The following SPANXN4 variants were observed in gnomAD, a reference collection of about 807,000 sequenced individuals.
The protein encoded by SPANXN4 is sperm protein associated with the nucleus on the X chromosome N4.
Under a neutral mutation model 6.0 loss-of-function variants are expected in SPANXN4, and 5 were observed. The ratio of observed to expected loss-of-function variants is 0.83; its 90% CI spans 0.44 to 1.75. SPANXN4 has a LOEUF of 1.75. SPANXN4 is among the 40% of genes most tolerant of loss of function. The pLI, the probability that SPANXN4 is intolerant of heterozygous loss-of-function variation, is 0.02. For missense variants in SPANXN4, 157 were observed against 108.6 expected, an observed-to-expected ratio of 1.45 and a Z score of -1.98; for synonymous variants, 45 against 38.0, an observed-to-expected ratio of 1.19 and a Z score of -0.68.
intron 2 of SPANXN4, chrX:143,034,301 T>G: frequency 9.2e-7 from 1 of 1,088,666 alleles, no homozygotes; most frequent in Non-Finnish European, 1.2e-6. Context: ...AAAATCAGTT[T>G]GAGGAGCTGA....
At chrX:143,026,162 C>G (rs1932776943) in intron 1 of SPANXN4, 70 bp downstream of exon 1, 1 of 945,847 alleles carries the variant, frequency 1.1e-6, no homozygotes, top group South Asian at 2.2e-5. Context: ...GCGGGTCAAA[C>G]AGCAACACGG....
At chrX:143,030,829 A>C (rs1049960308) in intron 1 of SPANXN4, among the ~76,000 whole-genome samples, 1 of 111,328 alleles carries the variant, frequency 9.0e-6, no homozygotes, top group Non-Finnish European at 1.9e-5. Context: ...TTGTAGCGAA[A>C]GTTGACAGAC....
At chrX:143,034,053 C>T (rs866035007) in exon 2 of SPANXN4, 1 of 1,177,797 alleles carries the variant, frequency 8.5e-7, no homozygotes, top group Non-Finnish European at 1.1e-6. Context: ...AGAGCCTCAG[C>T]CCCTGAACAG....
At chrX:143,030,650 T>G (rs917994839) in intron 1 of SPANXN4, among the ~76,000 whole-genome samples, 6 of 110,776 alleles carry the variant, frequency 5.4e-5, no homozygotes, top group African/African-American at 1.6e-4. Context: ...AAAAGGCATC[T>G]TTTAGATCCA....
chrX:143,032,112 G>C (rs1239690040), intron 1 of SPANXN4, among the ~76,000 whole-genome samples: 1 of 111,960 alleles, frequency 8.9e-6, no homozygotes, highest in African/African-American at 3.3e-5. Flanking sequence ...TCTGGGGAGA[G>C]GGTGGAGGAG....
chrX:143,035,141 T>C (rs939366917), downstream of SPANXN4, among the ~76,000 whole-genome samples: 1 of 103,602 alleles, frequency 9.7e-6, no homozygotes, highest in African/African-American at 3.5e-5. Context: ...GGAAATACAA[T>C]AGAATGGTTT....
intron 1 of SPANXN4, among the ~76,000 whole-genome samples, chrX:143,030,056 T>G (rs1183810451): frequency 9.5e-6 from 1 of 105,663 alleles, no homozygotes; most frequent in African/African-American, 3.5e-5. Context: ...ATTTTTTAGT[T>G]TGTTTTTTTT....
chrX:143,032,365 G>A (rs1316460671), intron 1 of SPANXN4, among the ~76,000 whole-genome samples: 1 of 110,554 alleles, frequency 9.0e-6, no homozygotes, highest in Non-Finnish European at 1.9e-5. Context: ...GGGGGTGGGT[G>A]TGAGACCTGG....
chrX:143,031,528 G>A (rs1341005706), intron 1 of SPANXN4, among the ~76,000 whole-genome samples: 1 of 111,459 alleles, frequency 9.0e-6, no homozygotes. Flanking sequence ...CAGATGGGGC[G>A]AGGTTTCCTG....
intron 1 of SPANXN4, among the ~76,000 whole-genome samples, chrX:143,030,101 G>T (rs1007851437): frequency 1.8e-5 from 2 of 109,296 alleles, no homozygotes; most frequent in East Asian, 5.8e-4. Flanking sequence ...CTGGGTTCAG[G>T]TGTTTTAAGA....
intron 2 of SPANXN4, 122 bp downstream of exon 2, chrX:143,034,433 C>A (rs1288487819): frequency 4.6e-6 from 5 of 1,098,091 alleles, no homozygotes; most frequent in South Asian, 2.4e-5. Context: ...CACAGGTTAG[C>A]CAGACATTGT....
intron 1 of SPANXN4, among the ~76,000 whole-genome samples, chrX:143,031,375 T>C (rs1461095810): frequency 1.8e-5 from 2 of 110,928 alleles, no homozygotes; most frequent in Non-Finnish European, 3.8e-5. Flanking sequence ...CTGACAGTGT[T>C]ATCCTGGGTT....
intron 1 of SPANXN4, among the ~76,000 whole-genome samples, 171 bp from the exon 2 acceptor site, chrX:143,033,854 T>C (rs1932826142): frequency 9.0e-6 from 1 of 111,343 alleles, no homozygotes; most frequent in African/African-American, 3.3e-5. Flanking sequence ...ACCCTACCCA[T>C]GCTCCTCTTC....
At position 143,031,870 on chromosome X, in the gene SPANXN4, C is replaced by G. The variant is rs752594340; in HGVS notation, c.79-2158C>G. Among the ~76,000 whole-genome samples the G allele has an allele frequency of 1.3e-4, 15 of 111,447 alleles. 1 individual carries two copies. The highest frequency in any genetic ancestry group is 4.9e-4 in the African/African-American group (15 of 30,688). On this transcript the variant is annotated intron_variant, in intron 1 of 2. Transcript: ENST00000370504. ...AGGTGGATTTTGCCCTTATTGGTAT[C>G]AGGGCTTTTGAAAGGCAGTAGAGGA...
At chrX:143,035,007 C>T (rs985272395), downstream of SPANXN4, among the ~76,000 whole-genome samples, 3 of 97,057 alleles carry the variant, frequency 3.1e-5, no homozygotes, top group African/African-American at 1.2e-4. Flanking sequence ...CCCCTAGAGA[C>T]AGAGCTTGCA....
At chrX:143,031,207 T>G (rs957222940) in intron 1 of SPANXN4, among the ~76,000 whole-genome samples, 1 of 110,847 alleles carries the variant, frequency 9.0e-6, no homozygotes, top group Non-Finnish European at 1.9e-5. Context: ...GGGTGTTGAA[T>G]AGATTGTATA....
chrX:143,032,330 G>C (rs1042061059), intron 1 of SPANXN4, among the ~76,000 whole-genome samples: 1 of 111,143 alleles, frequency 9.0e-6, no homozygotes, highest in African/African-American at 3.3e-5. Flanking sequence ...AGGCCTTTGG[G>C]TGTGTGCCTG....
chrX:143,026,134 A>C (rs1287985258), intron 1 of SPANXN4, 42 bp downstream of exon 1: 2 of 1,131,809 alleles, frequency 1.8e-6, no homozygotes, highest in Non-Finnish European at 2.4e-6. Flanking sequence ...GGGTGAAAGA[A>C]AGACACACAG....
At chrX:143,032,242 G>A (rs1932814456) in intron 1 of SPANXN4, among the ~76,000 whole-genome samples, 1 of 111,711 alleles carries the variant, frequency 9.0e-6, no homozygotes, top group Non-Finnish European at 1.9e-5. Context: ...AATGGGAGAG[G>A]CTGGCTAGAG....
Sources: allele counts gnomAD v4.1 joint callset (sites outside exome capture counted in the v4.1 genomes callset), GRCh38; gene constraint gnomAD v4.1.1; transcripts MANE v1.5; gene names NCBI Gene and HGNC (gene_info 2026-07-23, HGNC 2026-07-21).